SKAP1: variants seen among roughly 807,000 people sequenced by gnomAD.
SKAP1 encodes the protein src kinase associated phosphoprotein 1.
SKAP1 carries 44 observed loss-of-function variants against 58.5 expected under a neutral mutation model. The observed-to-expected ratio is 0.75, with a 90% CI of 0.59 to 0.97. The LOEUF (loss-of-function observed/expected upper bound fraction) is 0.97. Among genes scored for constraint, SKAP1 ranks in the 50% least tolerant of loss-of-function variants. The pLI, the probability that SKAP1 is intolerant of heterozygous loss-of-function variation, is 0.00. For missense variants in SKAP1, 390 were observed against 435.2 expected (o/e 0.90, Z 0.92); for synonymous variants, 127 against 149.7 (o/e 0.85, Z 1.11).
chr17:48,404,547 T>C (rs1465778582), intron 1 of SKAP1, among the ~76,000 whole-genome samples: 1 of 152,136 alleles, frequency 6.6e-6, no homozygotes, highest in African/African-American at 2.4e-5. Context: ...GAGGAAAATA[T>C]ATACTAAATT....
At chr17:48,296,099 A>T (rs2065966594) in intron 4 of SKAP1, among the ~76,000 whole-genome samples, 1 of 152,162 alleles carries the variant, frequency 6.6e-6, no homozygotes, top group Admixed American at 6.6e-5. Context: ...AGACACACAC[A>T]TTCAGATGAG....
intron 3 of SKAP1, among the ~76,000 whole-genome samples, chr17:48,352,782 C>T (rs182943287): frequency 3.3e-5 from 5 of 152,164 alleles, no homozygotes; most frequent in African/African-American, 4.8e-5. Context: ...ATAACTTACC[C>T]AAAGTCATAT....
At chr17:48,359,977 T>C (rs2066916336) in intron 3 of SKAP1, among the ~76,000 whole-genome samples, 1 of 152,216 alleles carries the variant, frequency 6.6e-6, no homozygotes, top group Non-Finnish European at 1.5e-5. Context: ...ATGAGATTTT[T>C]AAGCTTCACA....
At chr17:48,312,074 T>A (rs958238894) in intron 4 of SKAP1, among the ~76,000 whole-genome samples, 3 of 152,268 alleles carry the variant, frequency 2.0e-5, no homozygotes, top group Non-Finnish European at 2.9e-5. Context: ...TACTTCTGTA[T>A]TCTGTTACAT....
At chr17:48,400,122 G>A (rs1010400487) in intron 1 of SKAP1, among the ~76,000 whole-genome samples, 10 of 144,958 alleles carry the variant, frequency 6.9e-5, no homozygotes, top group East Asian at 2.0e-4. Flanking sequence ...TTTTTGAGAC[G>A]GAGTCTCACT....
intron 2 of SKAP1, among the ~76,000 whole-genome samples, chr17:48,382,197 C>A (rs561368528): frequency 9.7e-4 from 145 of 149,260 alleles, no homozygotes; most frequent in African/African-American, 3.3e-3. Flanking sequence ...AAAAAAAAAA[C>A]CCACATGGGG....
At chr17:48,156,967 C>A (rs2063985783) in intron 11 of SKAP1, among the ~76,000 whole-genome samples, 1 of 152,142 alleles carries the variant, frequency 6.6e-6, no homozygotes, top group Admixed American at 6.5e-5. Context: ...ATGTGCCCAA[C>A]ACTGATCCAA....
intron 4 of SKAP1, among the ~76,000 whole-genome samples, chr17:48,246,331 G>A (rs2065296545): frequency 1.3e-5 from 2 of 152,024 alleles, no homozygotes; most frequent in South Asian, 2.1e-4. Flanking sequence ...TTGTTAGACC[G>A]GACTATTTGG....
At chr17:48,282,032 C>G (rs148065016) in intron 4 of SKAP1, among the ~76,000 whole-genome samples, 1 of 151,998 alleles carries the variant, frequency 6.6e-6, no homozygotes, top group Non-Finnish European at 1.5e-5. Context: ...CTTCATGCAC[C>G]GATAAGAATG....
chr17:48,415,073 T>C (rs577235784), intron 1 of SKAP1, among the ~76,000 whole-genome samples: 16 of 152,346 alleles, frequency 1.1e-4, no homozygotes, highest in Admixed American at 8.5e-4. Flanking sequence ...TATATGTTTC[T>C]AAAACTCAAA....
At chr17:48,359,447 A>C (rs2066911038) in intron 3 of SKAP1, among the ~76,000 whole-genome samples, 1 of 152,196 alleles carries the variant, frequency 6.6e-6, no homozygotes, top group Admixed American at 6.5e-5. Flanking sequence ...TCTCTCATAG[A>C]TGTCATTTTT....
intron 4 of SKAP1, among the ~76,000 whole-genome samples, chr17:48,323,271 A>G (rs1434324948): frequency 1.3e-5 from 2 of 151,950 alleles, no homozygotes; most frequent in African/African-American, 2.4e-5. Context: ...GTAAAACCTC[A>G]GAAGAGTGTA....
chr17:48,392,751 T>C (rs746673951), intron 2 of SKAP1, among the ~76,000 whole-genome samples: 7 of 151,752 alleles, frequency 4.6e-5, no homozygotes, highest in Non-Finnish European at 8.8e-5. Context: ...TCCCAGCTAC[T>C]TGGGAGGCTG....
intron 4 of SKAP1, among the ~76,000 whole-genome samples, chr17:48,310,191 C>T (rs1020683707): frequency 1.3e-5 from 2 of 152,268 alleles, no homozygotes; most frequent in African/African-American, 4.8e-5. Context: ...AACAGATGTA[C>T]TGAAGAAATG....
chr17:48,147,813 A>C (rs1194636596), intron 11 of SKAP1, among the ~76,000 whole-genome samples: 1 of 152,178 alleles, frequency 6.6e-6, no homozygotes, highest in African/African-American at 2.4e-5. Flanking sequence ...TCATAATAAA[A>C]ATGAATCATT....
intron 4 of SKAP1, among the ~76,000 whole-genome samples, chr17:48,312,909 C>T (rs2066240206): frequency 1.3e-5 from 2 of 152,112 alleles, no homozygotes; most frequent in African/African-American, 4.8e-5. Flanking sequence ...TGGGTGTCTT[C>T]TGTGTGATCA....
At chr17:48,190,742 T>G (rs2064530762) in intron 4 of SKAP1, among the ~76,000 whole-genome samples, 1 of 152,126 alleles carries the variant, frequency 6.6e-6, no homozygotes, top group Admixed American at 6.5e-5. Flanking sequence ...TCCCAGCACT[T>G]TGTGGGGCTG....
intron 4 of SKAP1, among the ~76,000 whole-genome samples, chr17:48,210,154 G>A (rs2064854882): frequency 1.3e-5 from 2 of 152,206 alleles, no homozygotes; most frequent in African/African-American, 4.8e-5. Flanking sequence ...ATAACTGACA[G>A]ATGTCAGGTA....
chr17:48,399,430 G>A (rs1056007993), intron 1 of SKAP1, among the ~76,000 whole-genome samples: 7 of 152,118 alleles, frequency 4.6e-5, no homozygotes, highest in East Asian at 3.9e-4. Flanking sequence ...CTAATAAAAA[G>A]CATCAACACA....
Sources: allele counts gnomAD v4.1 joint callset (sites outside exome capture counted in the v4.1 genomes callset), GRCh38; gene constraint gnomAD v4.1.1; transcripts MANE v1.5; gene names NCBI Gene and HGNC (gene_info 2026-07-23, HGNC 2026-07-21).